Variants in ANKS1B observed in about 807,000 individuals in gnomAD.
The protein encoded by ANKS1B is ankyrin repeat and sterile alpha motif domain containing 1B.
Under a neutral mutation model 148.3 loss-of-function variants are expected in ANKS1B, and 36 were observed. The observed-to-expected ratio is 0.24, with a 90% CI of 0.19 to 0.32. ANKS1B has a LOEUF of 0.32. Ranked by LOEUF, ANKS1B falls within the 10% of genes least tolerant of loss-of-function variation. The probability of loss-of-function intolerance (pLI) is 1.00; values close to 1 mark genes in which losing one functional copy is unlikely to be tolerated. For synonymous variants in ANKS1B, 542 were observed against 560.8 expected (o/e 0.97, Z 0.47); for missense variants, 1,157 against 1,542.6 (o/e 0.75, Z 4.19).
chr12:99,835,362 G>A (rs1213161162), intron 1 of ANKS1B, among the ~76,000 whole-genome samples: 1 of 152,002 alleles, frequency 6.6e-6, no homozygotes, highest in Non-Finnish European at 1.5e-5. Flanking sequence ...CTAGGAGGTG[G>A]AGGTTGCAGT....
intron 12 of ANKS1B, among the ~76,000 whole-genome samples, chr12:99,278,304 C>G (rs1328913208): frequency 1.3e-5 from 2 of 152,208 alleles, no homozygotes; most frequent in Non-Finnish European, 2.9e-5. Context: ...AACACTGAGG[C>G]TGACTTCGGA....
intron 14 of ANKS1B, among the ~76,000 whole-genome samples, chr12:99,203,723 T>C (rs2082328620): frequency 1.3e-5 from 2 of 152,228 alleles, no homozygotes; most frequent in South Asian, 4.1e-4. Context: ...AGTGCTGGGA[T>C]TACAGGCGTG....
chr12:99,365,893 T>C (rs1018813256), intron 12 of ANKS1B, among the ~76,000 whole-genome samples: 4 of 151,850 alleles, frequency 2.6e-5, no homozygotes, highest in Non-Finnish European at 5.9e-5. Context: ...TGAAACAAAA[T>C]TGTATAAAAA....
chr12:98,888,702 T>C (rs1190959286), intron 17 of ANKS1B, among the ~76,000 whole-genome samples: 4 of 152,214 alleles, frequency 2.6e-5, no homozygotes, highest in Non-Finnish European at 5.9e-5. Context: ...TATAGCTGGT[T>C]CCTTCTATTC....
At chr12:99,709,193 G>A (rs956697852) in intron 8 of ANKS1B, among the ~76,000 whole-genome samples, 5 of 152,116 alleles carry the variant, frequency 3.3e-5, no homozygotes, top group African/African-American at 9.7e-5. Context: ...TGAGGGTCAG[G>A]AGATTGGATA....
chr12:99,283,218 G>A (rs11109794), intron 12 of ANKS1B, among the ~76,000 whole-genome samples: 3,729 of 152,256 alleles, frequency 0.024, 150 homozygotes, highest in African/African-American at 0.085. Flanking sequence ...ATAAGATCTA[G>A]AATGTGCTTA....
intron 11 of ANKS1B, 117 bp from the exon 12 acceptor site, chr12:99,399,928 AT>A: frequency 2.3e-6 from 2 of 885,256 alleles, no homozygotes; most frequent in Non-Finnish European, 3.5e-6. Flanking sequence ...TCTGGGTTTT[AT>A]ACTTAAAATA....
At chr12:99,551,572 G>T in intron 9 of ANKS1B, among the ~76,000 whole-genome samples, 1 of 120,286 alleles carries the variant, frequency 8.3e-6, no homozygotes, top group African/African-American at 3.0e-5. Flanking sequence ...GGGGAGGGGA[G>T]AGGAAGAATA....
chr12:99,186,099 C>T (rs1350037777), intron 14 of ANKS1B, among the ~76,000 whole-genome samples: 1 of 152,164 alleles, frequency 6.6e-6, no homozygotes, highest in Non-Finnish European at 1.5e-5. Flanking sequence ...GGCGGTTTTC[C>T]CCTCACAGCA....
At chr12:99,506,043 C>T (rs2096708774) in intron 9 of ANKS1B, among the ~76,000 whole-genome samples, 1 of 151,952 alleles carries the variant, frequency 6.6e-6, no homozygotes, top group African/African-American at 2.4e-5. Context: ...TGCTCAGCAT[C>T]ATGAGAGAGT....
intron 17 of ANKS1B, among the ~76,000 whole-genome samples, chr12:98,946,266 A>C (rs1417281391): frequency 6.6e-6 from 1 of 152,184 alleles, no homozygotes; most frequent in Admixed American, 6.5e-5. Context: ...AGATCTGATG[A>C]AGTAACTGTC....
At chr12:98,996,391 CA>C (rs2099929592) in intron 17 of ANKS1B, among the ~76,000 whole-genome samples, 1 of 152,108 alleles carries the variant, frequency 6.6e-6, no homozygotes, top group African/African-American at 2.4e-5. Context: ...GGACAAAATA[CA>C]TTAGTGTCTG....
intron 4 of ANKS1B, among the ~76,000 whole-genome samples, chr12:99,802,573 A>G (rs2067081596): frequency 2.0e-5 from 3 of 152,186 alleles, no homozygotes; most frequent in Non-Finnish European, 2.9e-5. Flanking sequence ...GTAATGATGC[A>G]GAAAATAAAC....
chr12:98,922,360 A>T (rs1281055557), intron 17 of ANKS1B, among the ~76,000 whole-genome samples: 2 of 152,160 alleles, frequency 1.3e-5, no homozygotes, highest in African/African-American at 4.8e-5. Context: ...AGTGTCACTC[A>T]TTGTAGGCTT....
At chr12:99,585,191 T>C (rs984098752) in intron 9 of ANKS1B, among the ~76,000 whole-genome samples, 3 of 152,118 alleles carry the variant, frequency 2.0e-5, no homozygotes, top group African/African-American at 7.2e-5. Flanking sequence ...GTCCAGGCAT[T>C]GGGTAAATAC....
chr12:99,327,011 ATAT>A (rs201351215), intron 12 of ANKS1B, among the ~76,000 whole-genome samples: 1,508 of 136,038 alleles, frequency 0.011, 34 homozygotes, highest in African/African-American at 0.041. Context: ...CATAATTTAT[ATAT>A]TATATTATAA....
chr12:99,838,367 T>A (rs1271003438), intron 1 of ANKS1B, among the ~76,000 whole-genome samples: 1 of 152,216 alleles, frequency 6.6e-6, no homozygotes, highest in African/African-American at 2.4e-5. Context: ...TACTAACTTA[T>A]ATTCCCACCA....
chr12:99,553,977 T>C (rs565582268), intron 9 of ANKS1B, among the ~76,000 whole-genome samples: 3 of 152,308 alleles, frequency 2.0e-5, no homozygotes, highest in South Asian at 4.1e-4. Flanking sequence ...ACATTTTTTA[T>C]GGTGGGGTCA....
At chr12:98,990,512 T>C (rs1480310712) in intron 17 of ANKS1B, among the ~76,000 whole-genome samples, 2 of 148,148 alleles carry the variant, frequency 1.3e-5, no homozygotes, top group African/African-American at 5.0e-5. Flanking sequence ...AGAAAAGAGA[T>C]GCTGGAGATC....
Sources: allele counts gnomAD v4.1 joint callset (sites outside exome capture counted in the v4.1 genomes callset), GRCh38; gene constraint gnomAD v4.1.1; transcripts MANE v1.5; gene names NCBI Gene and HGNC (gene_info 2026-07-23, HGNC 2026-07-21).